SLC24A2: variants seen among roughly 807,000 people sequenced by gnomAD.
SLC24A2 encodes the protein solute carrier family 24 member 2, also known as sodium/potassium/calcium exchanger 2.
Under a neutral mutation model 62.0 loss-of-function variants are expected in SLC24A2, and 36 were observed. That is an observed-to-expected ratio of 0.58 (90% confidence interval 0.44 to 0.77). SLC24A2 has a LOEUF of 0.77. Ranked by LOEUF, SLC24A2 falls within the 30% of genes least tolerant of loss-of-function variation. The pLI is 0.00. For synonymous variants in SLC24A2, 358 were observed against 294.0 expected, an observed-to-expected ratio of 1.22 and a Z score of -2.23; for missense variants, 846 against 817.9, an observed-to-expected ratio of 1.03 and a Z score of -0.42.
intron 8 of SLC24A2, among the ~76,000 whole-genome samples, chr9:19,545,153 C>T (rs1428584031): frequency 6.6e-6 from 1 of 151,890 alleles, no homozygotes; most frequent in East Asian, 1.9e-4. Flanking sequence ...CTAATCTTGT[C>T]TTCTCACTTC....
intron 2 of SLC24A2, among the ~76,000 whole-genome samples, chr9:19,780,311 A>T (rs1822975061): frequency 6.7e-6 from 1 of 149,598 alleles, no homozygotes; most frequent in Non-Finnish European, 1.5e-5. Context: ...TCTGTCGCCC[A>T]GGCTGCAGTG....
the SLC24A2 span, among the ~76,000 whole-genome samples, chr9:20,000,308 G>A: frequency 6.6e-6 from 1 of 152,144 alleles, no homozygotes; most frequent in African/African-American, 2.4e-5. Context: ...GGAATTGGAG[G>A]AATCTTGCCC....
At chr9:19,824,225 A>C in the SLC24A2 span, among the ~76,000 whole-genome samples, 1 of 152,234 alleles carries the variant, frequency 6.6e-6, no homozygotes, top group Non-Finnish European at 1.5e-5. Context: ...CTATCATCAG[A>C]GTGAACAGGC....
the SLC24A2 span, among the ~76,000 whole-genome samples, chr9:20,230,405 G>A: frequency 6.6e-6 from 1 of 152,282 alleles, no homozygotes; most frequent in Non-Finnish European, 1.5e-5. Context: ...GTGGTTTCCT[G>A]ACTTTTTAAT....
At chr9:19,884,915 T>TC in the SLC24A2 span, among the ~76,000 whole-genome samples, 17 of 152,180 alleles carry the variant, frequency 1.1e-4, no homozygotes, top group Admixed American at 1.1e-3. Flanking sequence ...TAGGATTTTT[T>TC]CAACTTACGA....
At chr9:19,592,090 G>A (rs558464943) in intron 5 of SLC24A2, among the ~76,000 whole-genome samples, 8 of 152,266 alleles carry the variant, frequency 5.3e-5, no homozygotes, top group South Asian at 2.1e-4. Context: ...TCAAATGATT[G>A]GCTAGACAAT....
At chr9:19,974,291 T>G in the SLC24A2 span, among the ~76,000 whole-genome samples, 1 of 152,322 alleles carries the variant, frequency 6.6e-6, no homozygotes, top group Non-Finnish European at 1.5e-5. Context: ...AACACTGCTA[T>G]GAATTTGTCC....
the SLC24A2 span, among the ~76,000 whole-genome samples, chr9:20,023,276 A>C: frequency 6.6e-6 from 1 of 152,210 alleles, no homozygotes; most frequent in Non-Finnish European, 1.5e-5. Flanking sequence ...AATAAGATCA[A>C]TACACAGAGG....
rs370746289 is a variant in SLC24A2 at position 19,679,827 on chromosome 9, C to T, written c.931-57528G>A. ...AATAGCTAATTCCCACAACAAATCT[C>T]CTCACATATACTGTGTGTGTGTGTG... is the stretch of plus-strand genomic sequence containing the variant. On this transcript the variant is annotated intron_variant, in intron 2 of 10. Coordinates refer to ENST00000341998, the MANE Select transcript of SLC24A2 (RefSeq NM_020344.4). Among the ~76,000 whole-genome samples, 7 of 148,846 alleles carry T rather than the reference C, an allele frequency of 4.7e-5. No homozygotes were observed. The South Asian group carries it at 6.4e-4, about 14-fold the overall frequency.
At chr9:20,214,212 G>A in the SLC24A2 span, among the ~76,000 whole-genome samples, 1 of 152,192 alleles carries the variant, frequency 6.6e-6, no homozygotes, top group Non-Finnish European at 1.5e-5. Context: ...CGATAGGAAG[G>A]TGGGGAGCTA....
chr9:20,243,511 C>T, the SLC24A2 span, among the ~76,000 whole-genome samples: 1 of 152,162 alleles, frequency 6.6e-6, no homozygotes, highest in Non-Finnish European at 1.5e-5. Context: ...TTATAAGCAT[C>T]ATCCTCAGTA....
At chr9:19,947,642 T>C in the SLC24A2 span, among the ~76,000 whole-genome samples, 1 of 151,374 alleles carries the variant, frequency 6.6e-6, no homozygotes, top group Non-Finnish European at 1.5e-5. Flanking sequence ...TAAAAAAGAA[T>C]TAGCCGGGCA....
chr9:20,015,424 T>G, the SLC24A2 span, among the ~76,000 whole-genome samples: 1 of 152,322 alleles, frequency 6.6e-6, no homozygotes, highest in South Asian at 2.1e-4. Context: ...AGAAGAGCTG[T>G]GAGCTGGATT....
At chr9:19,696,363 C>T (rs1820192044) in intron 2 of SLC24A2, among the ~76,000 whole-genome samples, 1 of 152,124 alleles carries the variant, frequency 6.6e-6, no homozygotes, top group Admixed American at 6.5e-5. Context: ...TTTAGCTATC[C>T]TCCAGACTCA....
intron 2 of SLC24A2, among the ~76,000 whole-genome samples, chr9:19,626,382 G>A (rs1456464940): frequency 6.6e-6 from 1 of 152,170 alleles, no homozygotes; most frequent in Non-Finnish European, 1.5e-5. Context: ...TCACCATGAA[G>A]ACTTCATAGG....
At chr9:20,208,781 G>A in the SLC24A2 span, among the ~76,000 whole-genome samples, 19 of 152,176 alleles carry the variant, frequency 1.2e-4, no homozygotes, top group African/African-American at 3.4e-4. Context: ...ACCGTGTTAC[G>A]GGAAAACCCG....
chr9:19,571,308 G>T (rs979449116), intron 7 of SLC24A2, among the ~76,000 whole-genome samples: 3 of 152,198 alleles, frequency 2.0e-5, no homozygotes, highest in Admixed American at 1.3e-4. Context: ...GGAGTGGCAG[G>T]CTCCTTATTC....
the SLC24A2 span, among the ~76,000 whole-genome samples, chr9:20,013,634 C>T: frequency 5.3e-5 from 8 of 152,102 alleles, no homozygotes; most frequent in East Asian, 1.2e-3. Flanking sequence ...ACTCACAGAA[C>T]GGAAGAAAAT....
At chr9:20,231,045 G>A in the SLC24A2 span, among the ~76,000 whole-genome samples, 1 of 152,054 alleles carries the variant, frequency 6.6e-6, no homozygotes, top group Non-Finnish European at 1.5e-5. Context: ...GATAGTTGTA[G>A]ATATGCCGCA....
Sources: gnomAD v4.1 joint callset for allele counts (sites outside exome capture counted in the v4.1 genomes callset) on GRCh38, gnomAD v4.1.1 for gene constraint, MANE v1.5 for transcripts, NCBI Gene and HGNC (gene_info 2026-07-23, HGNC 2026-07-21) for gene names.